ADGRL3: variants seen among roughly 807,000 people sequenced by gnomAD.
The protein encoded by ADGRL3 is calcium-independent alpha-latrotoxin receptor 3.
A neutral mutation model predicts 153.5 loss-of-function variants in ADGRL3; 62 were observed. That is an observed-to-expected ratio of 0.40 (90% CI 0.33 to 0.50). The LOEUF is 0.50. Among genes scored for constraint, ADGRL3 ranks in the 20% least tolerant of loss-of-function variants. The probability of loss-of-function intolerance (pLI) is 0.47; values close to 1 mark genes in which losing one functional copy is unlikely to be tolerated. For missense variants in ADGRL3, 1,641 were observed against 1,859.4 expected, an observed-to-expected ratio of 0.88 and a Z score of 2.16; for synonymous variants, 710 against 672.5, an observed-to-expected ratio of 1.06 and a Z score of -0.86.
intron 11 of ADGRL3, among the ~76,000 whole-genome samples, chr4:61,896,415 G>A (rs1385326735): frequency 1.3e-5 from 2 of 152,108 alleles, no homozygotes; most frequent in Non-Finnish European, 2.9e-5. Flanking sequence ...GTTATGGGAT[G>A]AATCCTTATT....
intron 1 of ADGRL3, among the ~76,000 whole-genome samples, chr4:61,311,458 T>C (rs546335126): frequency 6.6e-6 from 1 of 152,310 alleles, no homozygotes; most frequent in South Asian, 2.1e-4. Context: ...AGTAATCTTT[T>C]CTGTGTATTC....
chr4:61,313,953 G>A lies in ADGRL3; in HGVS notation c.-239-69171G>A, dbSNP rs114543840. ...CTATAGACATGCCAGCTCTCCTAAC[G>A]TGCACATCTTTGGGATGTTGAAGGA... On this transcript the variant is annotated intron_variant, in intron 1 of 26. Transcript: ENST00000683033. 4.2e-4 allele frequency among the ~76,000 whole-genome samples: 64 copies of A among 152,126 alleles called. 2 individuals are homozygous for A. Among genetic ancestry groups the A allele is most frequent in the African/African-American group, 1.5e-3 (62 of 41,532 alleles).
chr4:61,992,360 G>T (rs896173482), intron 19 of ADGRL3, among the ~76,000 whole-genome samples: 4 of 152,180 alleles, frequency 2.6e-5, no homozygotes, highest in African/African-American at 9.7e-5. Context: ...GCTCAGGCAT[G>T]TATGTATACA....
chr4:61,832,049 G>A (rs1015637759), intron 9 of ADGRL3, among the ~76,000 whole-genome samples: 15 of 152,080 alleles, frequency 9.9e-5, no homozygotes, highest in African/African-American at 3.6e-4. Context: ...TAGAGGCCAA[G>A]GGAAAGCATT....
chr4:61,925,427 G>A (rs1344018978), intron 13 of ADGRL3, among the ~76,000 whole-genome samples: 3 of 152,046 alleles, frequency 2.0e-5, no homozygotes, highest in African/African-American at 7.2e-5. Context: ...TGCGTGCATT[G>A]TATTAGGCTG....
chr4:61,581,505 T>A (rs182373561), intron 4 of ADGRL3, among the ~76,000 whole-genome samples: 24 of 152,108 alleles, frequency 1.6e-4, no homozygotes, highest in Non-Finnish European at 3.2e-4. Context: ...TTGACTACAA[T>A]GTGAATGCTG....
At chr4:61,523,689 C>T (rs1265819133) in intron 4 of ADGRL3, among the ~76,000 whole-genome samples, 5 of 151,896 alleles carry the variant, frequency 3.3e-5, no homozygotes, top group African/African-American at 1.2e-4. Flanking sequence ...CTTTAAGACC[C>T]TGTTTTTCTC....
intron 6 of ADGRL3, among the ~76,000 whole-genome samples, chr4:61,706,888 C>G (rs2095866623): frequency 6.6e-6 from 1 of 152,170 alleles, no homozygotes; most frequent in Admixed American, 6.6e-5. Flanking sequence ...CCATTTTGCA[C>G]CAGAAGTCTA....
intron 2 of ADGRL3, among the ~76,000 whole-genome samples, chr4:61,384,067 G>A (rs1365065584): frequency 6.6e-6 from 1 of 151,582 alleles, no homozygotes; most frequent in Admixed American, 6.6e-5. Context: ...TACTTTAATT[G>A]CTATCATCTA....
intron 5 of ADGRL3, among the ~76,000 whole-genome samples, chr4:61,640,752 A>G (rs2093629450): frequency 6.6e-6 from 1 of 152,172 alleles, no homozygotes; most frequent in East Asian, 1.9e-4. Context: ...AGTTTCTTAC[A>G]TATGGTAGTC....
chr4:61,983,241 G>C (rs1028384749), intron 18 of ADGRL3, 142 bp from the exon 19 acceptor site: 21 of 615,408 alleles, frequency 3.4e-5, no homozygotes, highest in Non-Finnish European at 5.1e-5. Context: ...TTTAATATCT[G>C]TGTTTTAAGA....
chr4:61,588,209 G>A (rs1211575981), intron 5 of ADGRL3, among the ~76,000 whole-genome samples: 1 of 151,742 alleles, frequency 6.6e-6, no homozygotes, highest in Admixed American at 6.6e-5. Context: ...TTTAGTATAA[G>A]CCTACAGCTA....
rs2098706782 is a variant in ADGRL3 at position 61,908,496 on chromosome 4, C to G, written c.1888-1064C>G. ...CCTGTAATCCCAGCTACTTGGGAGG[C>G]TGGGACAGGAGGCAGCTACTTGGGA... On this transcript the variant is annotated intron_variant, in intron 11 of 26. Coordinates refer to ENST00000683033, the MANE Select transcript of ADGRL3 (RefSeq NM_001387552.1). 2.0e-5 allele frequency among the ~76,000 whole-genome samples: 3 copies of G among 151,312 alleles called. No individual in the cohort carries two copies. The South Asian group carries it at 6.3e-4, about 32-fold the overall frequency.
chr4:61,749,610 C>G (rs966376332), intron 8 of ADGRL3, among the ~76,000 whole-genome samples: 3 of 151,220 alleles, frequency 2.0e-5, no homozygotes, highest in African/African-American at 7.3e-5. Context: ...ATCACAAGAA[C>G]AAAAAACCAA....
rs372911767 is a variant in ADGRL3, at chr4:61,582,293, T to C, written c.260-4934T>C. On this transcript the variant is annotated intron_variant, in intron 4 of 26. Transcript: ENST00000683033. ...TGCACCTATCAGCCCATCACCTAGG[T>C]ATTAAGCCGTGCATGCTTTAGCTAT... is the stretch of plus-strand genomic sequence containing the variant. 2.6e-4 allele frequency among the ~76,000 whole-genome samples: 39 copies of C among 152,154 alleles called. 1 individual carries two copies. The highest frequency in any genetic ancestry group is 9.1e-4 in the African/African-American group (38 of 41,544).
intron 22 of ADGRL3, among the ~76,000 whole-genome samples, chr4:62,031,140 C>A (rs747810434): frequency 2.1e-4 from 32 of 151,584 alleles, no homozygotes; most frequent in Non-Finnish European, 3.8e-4. Flanking sequence ...TTGCCATTCA[C>A]CATAATTACA....
At position 61,757,871 on chromosome 4, in the gene ADGRL3, G is replaced by A. The variant is rs368199700; in HGVS notation, c.1399+24317G>A. ...ACATCTTTATTTCTGCCTTCATTTC[G>A]TTATGTACCCAGTAGTCATTCAGGA... On this transcript the variant is annotated intron_variant, in intron 8 of 26. Transcript: ENST00000683033. Among the ~76,000 whole-genome samples the A allele has an allele frequency of 3.5e-4, 53 of 152,152 alleles. 1 individual carries two copies. Among genetic ancestry groups the A allele is most frequent in the African/African-American group, 1.2e-3 (48 of 41,502 alleles).
intron 1 of ADGRL3, among the ~76,000 whole-genome samples, chr4:61,217,870 T>C (rs1042977010): frequency 6.6e-6 from 1 of 152,188 alleles, no homozygotes; most frequent in African/African-American, 2.4e-5. Flanking sequence ...AGGAGCCAGC[T>C]TTAGGAATAC....
chr4:61,737,007 G>T (rs2096526459), intron 8 of ADGRL3, among the ~76,000 whole-genome samples: 1 of 152,028 alleles, frequency 6.6e-6, no homozygotes, highest in Non-Finnish European at 1.5e-5. Context: ...GTTAATAGAG[G>T]CTGTTTATCT....
Sources: gnomAD v4.1 joint callset for allele counts (sites outside exome capture counted in the v4.1 genomes callset) on GRCh38, gnomAD v4.1.1 for gene constraint, MANE v1.5 for transcripts, NCBI Gene and HGNC (gene_info 2026-07-23, HGNC 2026-07-21) for gene names.